MOXD1: variants seen among roughly 807,000 people sequenced by gnomAD.
MOXD1 encodes monooxygenase DBH like 1.
In MOXD1, 62 loss-of-function variants were observed where a neutral mutation model predicts 66.6. That is an observed-to-expected ratio of 0.93 (90% CI 0.76 to 1.15). MOXD1 has a LOEUF of 1.15. Ranked by LOEUF, MOXD1 falls within the 50% of genes most tolerant of loss-of-function variation. MOXD1 has a pLI of 0.00. For synonymous variants in MOXD1, 303 were observed against 281.9 expected, an observed-to-expected ratio of 1.07 and a Z score of -0.75; for missense variants, 847 against 754.6, an observed-to-expected ratio of 1.12 and a Z score of -1.44.
intron 10 of MOXD1, among the ~76,000 whole-genome samples, chr6:132,302,914 C>T (rs1257589715): frequency 3.9e-5 from 6 of 152,024 alleles, no homozygotes; most frequent in African/African-American, 1.4e-4. Context: ...GATTTTCCAA[C>T]AAATATTCCA....
chr6:132,313,623 T>G (rs188829054), intron 10 of MOXD1, among the ~76,000 whole-genome samples: 1 of 152,236 alleles, frequency 6.6e-6, no homozygotes, highest in Non-Finnish European at 1.5e-5. Flanking sequence ...GTCTCAAAAC[T>G]CTATGTGTGG....
intron 4 of MOXD1, among the ~76,000 whole-genome samples, chr6:132,340,804 G>T (rs113195074): frequency 6.6e-6 from 1 of 151,888 alleles, no homozygotes; most frequent in Non-Finnish European, 1.5e-5. Context: ...CCGCCACCGC[G>T]CCCGGCTAAT....
chr6:132,343,664 A>T (rs998005641), intron 4 of MOXD1, among the ~76,000 whole-genome samples: 1 of 152,208 alleles, frequency 6.6e-6, no homozygotes, highest in African/African-American at 2.4e-5. Context: ...ATATACTGAA[A>T]TGAAAACAAC....
At chr6:132,357,601 T>C (rs113670802) in intron 4 of MOXD1, among the ~76,000 whole-genome samples, 2,196 of 152,138 alleles carry the variant, frequency 0.014, 56 homozygotes, top group African/African-American at 0.05. Context: ...TTTCCCTCTT[T>C]TAAATGTCTC....
chr6:132,360,252 A>C (rs1332230271), intron 4 of MOXD1, among the ~76,000 whole-genome samples: 2 of 152,192 alleles, frequency 1.3e-5, no homozygotes, highest in Admixed American at 1.3e-4. Flanking sequence ...ATGTCTGTTT[A>C]CTTTTTAAAT....
intron 4 of MOXD1, among the ~76,000 whole-genome samples, chr6:132,354,071 G>T (rs1050256745): frequency 1.3e-5 from 2 of 152,066 alleles, no homozygotes; most frequent in African/African-American, 4.8e-5. Flanking sequence ...TTCACTTCTT[G>T]TATTGTTTTT....
At chr6:132,340,638 A>ATCTTTTTTTTTTTTTTTT (rs1562287208) in intron 4 of MOXD1, among the ~76,000 whole-genome samples, 4 of 98,808 alleles carry the variant, frequency 4.0e-5, no homozygotes, top group African/African-American at 1.8e-4. Context: ...AACAAGACTC[A>ATCTTTTTTTTTTTTTTTT]TTTTTTTTTT....
chr6:132,311,200 A>G (rs1774822820), intron 10 of MOXD1, among the ~76,000 whole-genome samples: 1 of 152,172 alleles, frequency 6.6e-6, no homozygotes, highest in South Asian at 2.1e-4. Context: ...CCAAATTGAA[A>G]GAACTTGAGG....
chr6:132,389,751 C>T (rs1776718589), intron 1 of MOXD1, among the ~76,000 whole-genome samples: 1 of 151,386 alleles, frequency 6.6e-6, no homozygotes, highest in African/African-American at 2.4e-5. Context: ...CTCATCTTGG[C>T]CCTATCCAAA....
chr6:132,349,484 T>TATATATATATATATATAC, intron 4 of MOXD1, among the ~76,000 whole-genome samples: 1 of 29,786 alleles, frequency 3.4e-5, no homozygotes, highest in Non-Finnish European at 8.3e-5. Context: ...TATATATACA[T>TATATATATATATATATAC]ATATATATAT....
chr6:132,308,773 A>G (rs187037100), intron 10 of MOXD1, among the ~76,000 whole-genome samples: 92 of 152,324 alleles, frequency 6.0e-4, no homozygotes, highest in South Asian at 2.1e-3. Context: ...CAAAAACCAC[A>G]TGATTATCTC....
At position 132,315,692 on chromosome 6, in the gene MOXD1, GGAATACTT is replaced by G; in HGVS notation, c.1443_1450del (p.Ser482ArgfsTer12). The G allele has an allele frequency of 6.2e-7, 1 of 1,613,504 alleles. No individual in the cohort carries two copies. The highest frequency in any genetic ancestry group is 8.5e-7 in the Non-Finnish European group (1 of 1,179,602). Reference sequence around the variant, plus strand: ...GAACTGAAGTTGTTCCATAATGTCTGGAATACTTGCACATCGAGTAAGATTAATTCTTG... The same window carrying G: ...GAACTGAAGTTGTTCCATAATGTCTGGCACATCGAGTAAGATTAATTCTTG... On this transcript the variant is annotated frameshift_variant, in exon 10 of 12. Transcript: ENST00000367963. LOFTEE classifies it high-confidence loss of function.
At chr6:132,339,294 T>C (rs957397655) in intron 4 of MOXD1, among the ~76,000 whole-genome samples, 4 of 152,216 alleles carry the variant, frequency 2.6e-5, no homozygotes, top group African/African-American at 4.8e-5. Flanking sequence ...ATTTTCCTTA[T>C]CACTTTGATT....
intron 4 of MOXD1, among the ~76,000 whole-genome samples, chr6:132,348,560 G>T (rs1431854387): frequency 6.6e-6 from 1 of 152,088 alleles, no homozygotes; most frequent in African/African-American, 2.4e-5. Context: ...TTTTGTCAGA[G>T]TTTAAATATT....
intron 2 of MOXD1, among the ~76,000 whole-genome samples, 152 bp downstream of exon 2, chr6:132,374,478 GA>G (rs11345825): frequency 0.31 from 45,348 of 147,996 alleles, 10,248 homozygotes; most frequent in African/African-American, 0.64. Flanking sequence ...AAGTAAAAAA[GA>G]AAAAACTAAA....
At chr6:132,329,451 T>G (rs1370665613) in intron 4 of MOXD1, among the ~76,000 whole-genome samples, 1 of 151,964 alleles carries the variant, frequency 6.6e-6, no homozygotes, top group Non-Finnish European at 1.5e-5. Context: ...TGTGTCTTTA[T>G]AGCATTTTTT....
At chr6:132,321,511 C>A (rs1775078203) in intron 8 of MOXD1, among the ~76,000 whole-genome samples, 1 of 152,096 alleles carries the variant, frequency 6.6e-6, no homozygotes, top group Admixed American at 6.5e-5. Context: ...TTGTACATTA[C>A]AATACATATG....
chr6:132,323,817 A>T, intron 7 of MOXD1, 114 bp downstream of exon 7: 2 of 1,180,514 alleles, frequency 1.7e-6, no homozygotes, highest in East Asian at 2.7e-5. Flanking sequence ...AGGGTTTCAC[A>T]GTGTGTCAAC....
chr6:132,305,223 C>T (rs529101896), intron 10 of MOXD1, among the ~76,000 whole-genome samples: 15 of 152,370 alleles, frequency 9.8e-5, no homozygotes, highest in African/African-American at 3.6e-4. Flanking sequence ...TTGTTCCCCA[C>T]AGCCCAACAC....
Sources: allele counts gnomAD v4.1 joint callset (sites outside exome capture counted in the v4.1 genomes callset), GRCh38; gene constraint gnomAD v4.1.1; transcripts MANE v1.5; gene names NCBI Gene and HGNC (gene_info 2026-07-23, HGNC 2026-07-21).